MTRR: variants seen among roughly 807,000 people sequenced by gnomAD.
MTRR encodes 5-methyltetrahydrofolate-homocysteine methyltransferase reductase, also known as methionine synthase reductase.
In MTRR, 63 loss-of-function variants were observed where a neutral mutation model predicts 79.2. That is an observed-to-expected ratio of 0.80 (90% CI 0.65 to 0.98). The LOEUF (loss-of-function observed/expected upper bound fraction) is 0.98, where lower values mean the gene tolerates loss of function less well. Ranked by LOEUF, MTRR falls within the 50% of genes least tolerant of loss-of-function variation. The pLI is 0.00. For missense variants in MTRR, 895 were observed against 839.6 expected (o/e 1.07, Z -0.82); for synonymous variants, 355 against 313.3 (o/e 1.13, Z -1.41).
rs1370723236 is a variant in MTRR at position 7,862,798 on chromosome 5, C to G, written n.498+741C>G. The stretch of plus-strand genomic sequence containing the variant: ...TCGAACAGGATGCTTAGGTTTAAAA[C>G]AACAAAACTCCTTATACTACTTACC... On this transcript the variant is annotated intron_variant and non_coding_transcript_variant, in intron 2 of 3. Transcript: ENST00000502509. The G allele has an allele frequency of 3.1e-6, 5 of 1,588,170 alleles. No individual in the cohort carries two copies. In the South Asian group the frequency reaches 5.7e-5, roughly 18 times the overall value.
chr5:7,850,859 A>C, upstream of MTRR: 2 of 1,293,610 alleles, frequency 1.5e-6, no homozygotes, highest in Non-Finnish European at 2.0e-6. Context: ...CTCCGCGCCC[A>C]GTCCGCGGTC....
At chr5:7,870,583 T>G (rs1324314473) in intron 1 of MTRR, among the ~76,000 whole-genome samples, 187 bp from the exon 2 acceptor site, 1 of 152,242 alleles carries the variant, frequency 6.6e-6, no homozygotes, top group African/African-American at 2.4e-5. Context: ...ATTCGTACAC[T>G]CTCCTTAATT....
intron 9 of MTRR, 43 bp downstream of exon 9, chr5:7,889,318 A>G: frequency 6.2e-7 from 1 of 1,610,530 alleles, no homozygotes; most frequent in Non-Finnish European, 8.5e-7. Flanking sequence ...CTGTTCGTGC[A>G]CTGGTAGGCG....
chr5:7,898,849 T>C (rs553006554), intron 14 of MTRR, among the ~76,000 whole-genome samples: 4 of 152,308 alleles, frequency 2.6e-5, no homozygotes, highest in Admixed American at 2.6e-4. Flanking sequence ...GCTTGGGGCA[T>C]ATTCAGATGT....
chr5:7,891,820 A>C (rs939745181), intron 10 of MTRR, among the ~76,000 whole-genome samples: 5 of 152,122 alleles, frequency 3.3e-5, no homozygotes, highest in African/African-American at 1.2e-4. Context: ...AGGCGGGCGG[A>C]TCATGAGGTC....
intron 1 of MTRR, chr5:7,861,655 G>T (rs1746548162): frequency 6.2e-7 from 1 of 1,606,904 alleles, no homozygotes; most frequent in Non-Finnish European, 8.5e-7. Context: ...TTCAACATCT[G>T]GTGAGAGAAG....
intron 2 of MTRR, chr5:7,872,080 C>G (rs1382113967): frequency 4.0e-6 from 1 of 247,050 alleles, no homozygotes; most frequent in Non-Finnish European, 8.1e-6. Context: ...TGTTCATAAT[C>G]TAATATCCTT....
chr5:7,883,372 T>G (rs1735886086), intron 6 of MTRR, 95 bp downstream of exon 6: 3 of 1,530,434 alleles, frequency 2.0e-6, no homozygotes, highest in Non-Finnish European at 1.8e-6. Context: ...AGTGGTGTGC[T>G]GCTTGGTTAC....
chr5:7,884,222 T>G lies in MTRR; in HGVS notation c.903+945T>G, dbSNP rs536678422. Among the ~76,000 whole-genome samples, 518 of 152,252 alleles carry G rather than the reference T, an allele frequency of 3.4e-3. 6 individuals are homozygous for G. The highest frequency in any genetic ancestry group is 0.012 in the African/African-American group (494 of 41,562). ...AGACAGGCAGGTTAGGGTTAATTCC[T>G]CAGAGCAGTGGTTTTGATTTCTTGA... On this transcript the variant is annotated intron_variant, in intron 6 of 14. Transcript: ENST00000440940.
rs1491410388 is a variant in MTRR, at chr5:7,887,793, C to CATATATACATATATATATATATAT, written c.1146+1097_1146+1098insCATATATATATATATATATATATA. ...GTATATATTTGTGTGTGTGTGTGTGCATATATATATATATATATATATATA... is the reference window on the plus strand; with the variant it reads ...GTATATATTTGTGTGTGTGTGTGTGCATATATACATATATATATATATATATATATATATATATATATATATATA... On this transcript the variant is annotated intron_variant, in intron 8 of 14. Transcript: ENST00000440940. 6.7e-4 allele frequency among the ~76,000 whole-genome samples: 62 copies of CATATATACATATATATATATATAT among 92,010 alleles called. 4 individuals are homozygous for CATATATACATATATATATATATAT. The highest frequency in any genetic ancestry group is 1.6e-3 in the South Asian group (4 of 2,544). 60.4% of individuals were successfully genotyped at this position (92,010 alleles called of 152,430 possible).
At chr5:7,868,965 G>A (rs767456477), upstream of MTRR, 3 of 773,002 alleles carry the variant, frequency 3.9e-6, no homozygotes, top group Admixed American at 5.6e-5. Context: ...CGGAGACCCC[G>A]CGTTGACACC....
In MTRR at chr5:7,898,830, T is replaced by C. The variant is rs115280477; in HGVS notation, c.1953-1084T>C. On this transcript the variant is annotated intron_variant, in intron 14 of 14. Transcript: ENST00000440940. ...CTTCATTCAGCAAACACCTGAGTGC[T>C]GGCTAAGTGCTTGGGGCATATTCAG... Among the ~76,000 whole-genome samples, 591 of 152,322 alleles carry C rather than the reference T, an allele frequency of 3.9e-3. 5 individuals carry two copies. The highest frequency in any genetic ancestry group is 0.014 in the African/African-American group (573 of 41,580).
Position 7,900,139 on chromosome 5 carries a change from AT to A in MTRR, c.*85del. ...AGCTTTACTAGTGCCAAACCTTTAA[AT>A]TTTCAAAAGAAAATTTTCTTTCAAC... On this transcript the variant is annotated 3_prime_UTR_variant, in exon 15 of 15. Transcript: ENST00000440940. The A allele has an allele frequency of 6.6e-7, 1 of 1,526,592 alleles. No individual in the cohort carries two copies. Among genetic ancestry groups the A allele is most frequent in the Non-Finnish European group, 8.9e-7 (1 of 1,125,302 alleles). 94.6% of individuals were successfully genotyped at this position (1,526,592 alleles called of 1,614,324 possible). A position where few individuals can be genotyped will look rare whatever the true frequency, so the allele number is the denominator to read the frequency against.
At chr5:7,898,152 T>C (rs1277745527) in intron 14 of MTRR, among the ~76,000 whole-genome samples, 1 of 152,242 alleles carries the variant, frequency 6.6e-6, no homozygotes, top group Non-Finnish European at 1.5e-5. Flanking sequence ...TTGAAAAACA[T>C]TGCTTTAGGT....
intron 3 of MTRR, among the ~76,000 whole-genome samples, chr5:7,874,430 AAG>A (rs936325227): frequency 2.0e-5 from 3 of 152,064 alleles, no homozygotes; most frequent in African/African-American, 7.2e-5. Flanking sequence ...TGTATTTTCA[AAG>A]AGAGAACACA....
intron 1 of MTRR, chr5:7,869,913 C>T (rs1036156543): frequency 1.1e-5 from 3 of 265,472 alleles, no homozygotes; most frequent in East Asian, 1.8e-4. Flanking sequence ...GATAACTTAT[C>T]GAGTACCAGT....
At chr5:7,878,372 T>G (rs1734948131) in intron 5 of MTRR, 50 bp downstream of exon 5, 2 of 1,602,768 alleles carry the variant, frequency 1.2e-6, no homozygotes, top group Admixed American at 1.7e-5. Context: ...CATGGATGTT[T>G]GCTTTGGGCT....
chr5:7,851,679 G>A (rs1746084200), intron 1 of MTRR: 1 of 152,190 alleles, frequency 6.6e-6, no homozygotes, highest in Non-Finnish European at 1.5e-5. Flanking sequence ...GTATTGGCCA[G>A]TGCAGGTGTA....
chr5:7,887,424 A>G (rs1302111738), intron 8 of MTRR, among the ~76,000 whole-genome samples: 1 of 151,690 alleles, frequency 6.6e-6, no homozygotes, highest in African/African-American at 2.4e-5. Context: ...GAGTGTTGTA[A>G]TTAGGCCGCC....
Sources: allele counts gnomAD v4.1 joint callset (sites outside exome capture counted in the v4.1 genomes callset), GRCh38; gene constraint gnomAD v4.1.1; transcripts MANE v1.5; gene names NCBI Gene and HGNC (gene_info 2026-07-23, HGNC 2026-07-21).